The following FAM193A variants were observed in gnomAD, a reference collection of about 807,000 sequenced individuals.
FAM193A encodes family with sequence similarity 193 member A, also known as protein FAM193A.
FAM193A carries 22 observed loss-of-function variants against 126.5 expected under a neutral mutation model. That is an observed-to-expected ratio of 0.17 (90% CI 0.12 to 0.25). The LOEUF (loss-of-function observed/expected upper bound fraction) is 0.25, where lower values mean the gene tolerates loss of function less well. Ranked by LOEUF, FAM193A falls within the 10% of genes least tolerant of loss-of-function variation. The pLI, the probability that FAM193A is intolerant of heterozygous loss-of-function variation, is 1.00. For synonymous variants in FAM193A, 761 were observed against 646.8 expected (o/e 1.18, Z -2.68); for missense variants, 1,675 against 1,672.8 (o/e 1.00, Z -0.02).
intron 2 of FAM193A, among the ~76,000 whole-genome samples, chr4:2,615,663 C>T (rs1369775377): frequency 1.3e-5 from 2 of 151,878 alleles, no homozygotes; most frequent in African/African-American, 2.4e-5. Flanking sequence ...GGACTACAGG[C>T]GTGCGCCACC....
At chr4:2,559,146 GTGTT>G (rs1389732374) in intron 1 of FAM193A, among the ~76,000 whole-genome samples, 2 of 152,180 alleles carry the variant, frequency 1.3e-5, no homozygotes, top group Admixed American at 6.5e-5. Context: ...TGTTCTTTGT[GTGTT>G]TGTACATTTA....
At chr4:2,701,572 C>T (rs918737592) in intron 19 of FAM193A, among the ~76,000 whole-genome samples, 5 of 152,098 alleles carry the variant, frequency 3.3e-5, no homozygotes, top group South Asian at 2.1e-4. Context: ...CGGTGTCTGT[C>T]CCATCACTGG....
chr4:2,702,362 C>T (rs189313766), intron 19 of FAM193A, among the ~76,000 whole-genome samples: 66 of 152,258 alleles, frequency 4.3e-4, no homozygotes, highest in African/African-American at 1.5e-3. Context: ...TGTCATGGTT[C>T]GATGCTCCGG....
In FAM193A at chr4:2,628,608, G is replaced by A. The variant is rs1178863914; in HGVS notation, c.803+2031G>A. ...GCTAGGATCGCTCCACTGCACACCA[G>A]CCTGGGCAACAGAGTAAAATCCAAA... On this transcript the variant is annotated intron_variant, in intron 4 of 20. Coordinates refer to ENST00000637812, the MANE Select transcript of FAM193A (RefSeq NM_001366318.2). Among the ~76,000 whole-genome samples, 3 of 152,270 alleles carry A rather than the reference G, an allele frequency of 2.0e-5. No individual in the cohort carries two copies. The East Asian group carries it at 5.8e-4, about 29-fold the overall frequency.
At chr4:2,545,114 T>A (rs1737467899) in intron 1 of FAM193A, among the ~76,000 whole-genome samples, 1 of 152,130 alleles carries the variant, frequency 6.6e-6, no homozygotes, top group African/African-American at 2.4e-5. Context: ...TGCCTCAGCC[T>A]CCCGAGTAGC....
chr4:2,592,263 T>C (rs1368154792), intron 1 of FAM193A, among the ~76,000 whole-genome samples: 1 of 152,194 alleles, frequency 6.6e-6, no homozygotes, highest in Non-Finnish European at 1.5e-5. Flanking sequence ...TAATTTTTTG[T>C]ATTTTTAGTA....
Position 2,659,983 on chromosome 4 carries a change from C to T in FAM193A, c.1674C>T (p.Gly558=). 6.2e-7 allele frequency: 1 copy of T among 1,614,180 alleles called. No homozygotes were observed. Among genetic ancestry groups the T allele is most frequent in the Non-Finnish European group, 8.5e-7 (1 of 1,180,038 alleles). ...PSVSSASSGS[G]SSSPITIQQH... ...TGTCATCTGCAAGCTCGGGGTCCGG[C>T]TCCAGCTCTCCCATCACAATTCAGC... Residue 558 remains glycine, a synonymous_variant, in exon 10 of 21, where the codon GGC becomes GGT. Coordinates refer to ENST00000637812, the MANE Select transcript of FAM193A (RefSeq NM_001366318.2).
chr4:2,574,078 C>T (rs1231411166), intron 1 of FAM193A, among the ~76,000 whole-genome samples: 1 of 151,874 alleles, frequency 6.6e-6, no homozygotes, highest in African/African-American at 2.4e-5. Context: ...AGGGTTTTTG[C>T]AGAAGAGTGG....
chr4:2,551,962 T>G (rs980642398), intron 1 of FAM193A, among the ~76,000 whole-genome samples: 1 of 151,288 alleles, frequency 6.6e-6, no homozygotes, highest in Non-Finnish European at 1.5e-5. Flanking sequence ...CACCTCAGCC[T>G]CCTGAGCGGC....
intron 12 of FAM193A, 68 bp downstream of exon 12, chr4:2,663,356 T>C: frequency 8.1e-7 from 1 of 1,234,662 alleles, no homozygotes. Flanking sequence ...AACATGAGCA[T>C]TACTGAATAC....
chr4:2,688,069 C>T (rs936397537), intron 13 of FAM193A, among the ~76,000 whole-genome samples: 2 of 152,198 alleles, frequency 1.3e-5, no homozygotes, highest in Non-Finnish European at 2.9e-5. Flanking sequence ...GATGTGATGA[C>T]CAGGTTGCCC....
chr4:2,620,927 G>A (rs571836724), intron 2 of FAM193A, among the ~76,000 whole-genome samples: 1 of 152,022 alleles, frequency 6.6e-6, no homozygotes, highest in African/African-American at 2.4e-5. Context: ...TATGGCCGGG[G>A]CAGATTTAGG....
chr4:2,598,931 T>A (rs1372443575), intron 2 of FAM193A, among the ~76,000 whole-genome samples: 1 of 152,156 alleles, frequency 6.6e-6, no homozygotes, highest in African/African-American at 2.4e-5. Flanking sequence ...GGGGGCAGCT[T>A]TCCCAGCGAG....
chr4:2,547,728 C>G, intron 1 of FAM193A, among the ~76,000 whole-genome samples: 1 of 151,012 alleles, frequency 6.6e-6, no homozygotes. Context: ...TTGGTTCAAG[C>G]AATTCTCCTG....
Position 2,596,205 on chromosome 4 carries a change from G to T in FAM193A, c.377G>T (p.Ser126Ile). 1.4e-6 allele frequency: 1 copy of T among 703,006 alleles called. No individual in the cohort carries two copies. The highest frequency in any genetic ancestry group is 2.6e-6 in the Non-Finnish European group (1 of 384,996). The allele number at this position is 703,006 out of a possible 1,614,324, so 43.5% of individuals were successfully genotyped here. Residue 126 changes from serine to isoleucine, a missense_variant, in exon 2 of 21, where the codon AGC becomes ATC. This residue lies in a region of FAM193A where 1,186 missense variants were observed against 1,109.2 expected (regional missense o/e 1.07). Coordinates refer to ENST00000637812, the MANE Select transcript of FAM193A (RefSeq NM_001366318.2). ...TTAGAGAGTGGAATTAAGACTGCGAGCAAATTGGCCCTTTCCATGGCTCCC... is the reference window on the plus strand; with the variant it reads ...TTAGAGAGTGGAATTAAGACTGCGATCAAATTGGCCCTTTCCATGGCTCCC... ...SFLESGIKTA[S>I]KLALSMAPKG...
At chr4:2,645,402 C>A (rs1249664396) in intron 6 of FAM193A, among the ~76,000 whole-genome samples, 2 of 152,204 alleles carry the variant, frequency 1.3e-5, no homozygotes, top group African/African-American at 4.8e-5. Context: ...GTCTCCCAAT[C>A]GCCATCTTGC....
intron 1 of FAM193A, among the ~76,000 whole-genome samples, chr4:2,540,551 G>A (rs1737169172): frequency 6.6e-6 from 1 of 152,118 alleles, no homozygotes; most frequent in Non-Finnish European, 1.5e-5. Context: ...CGGAGGCTGA[G>A]GCAGGAGAAT....
chr4:2,717,626 C>T (rs2109380499), intron 20 of FAM193A, among the ~76,000 whole-genome samples: 1 of 149,516 alleles, frequency 6.7e-6, no homozygotes, highest in East Asian at 2.0e-4. Context: ...GCCAGGCATG[C>T]ACTTGTAGTC....
chr4:2,699,446 C>CCCA (rs748329252), intron 18 of FAM193A, among the ~76,000 whole-genome samples: 1,818 of 103,428 alleles, frequency 0.018, 80 homozygotes, highest in Non-Finnish European at 0.025. Context: ...ACCCCCCCCC[C>CCCA]CACACACACA....
Sources: gnomAD v4.1 joint callset for allele counts (sites outside exome capture counted in the v4.1 genomes callset) on GRCh38, gnomAD v4.1.1 for gene constraint, gnomAD v4.1.1 regional missense constraint, MANE v1.5 for transcripts, NCBI Gene and HGNC (gene_info 2026-07-23, HGNC 2026-07-21) for gene names.